The following ABCF2 variants were observed in gnomAD, a reference collection of about 807,000 sequenced individuals.
The protein encoded by ABCF2 is ATP-binding cassette sub-family F member 2.
Under a neutral mutation model 76.9 loss-of-function variants are expected in ABCF2, and 37 were observed. That is an observed-to-expected ratio of 0.48 (90% CI 0.37 to 0.63). The LOEUF is 0.63. Among genes scored for constraint, ABCF2 ranks in the 30% least tolerant of loss-of-function variants. The pLI is 0.00. For synonymous variants in ABCF2, 299 were observed against 283.7 expected (o/e 1.05, Z -0.54); for missense variants, 524 against 782.1 (o/e 0.67, Z 3.94).
intron 3 of ABCF2, among the ~76,000 whole-genome samples, chr7:151,224,443 TCCAAAAC>T (rs937113144): frequency 6.6e-5 from 10 of 152,084 alleles, no homozygotes; most frequent in African/African-American, 2.2e-4. Context: ...TGCTCCAAAA[TCCAAAAC>T]CTTTTAAGTG....
At position 151,215,132 on chromosome 7, in the gene ABCF2, A is replaced by G; in HGVS notation, c.1531-50T>C. On this transcript the variant is annotated intron_variant, in intron 13 of 14. Transcript: ENST00000287844. The surrounding 1 kb of genome is among the most constrained non-coding windows in gnomAD (Gnocchi z 4.6). Reference sequence around the variant, plus strand: ...TAACTTGGCATTATCCCCGCCAAACAGCACAGCTCATCTCTCCCTCATTTC... The same window carrying G: ...TAACTTGGCATTATCCCCGCCAAACGGCACAGCTCATCTCTCCCTCATTTC... 1 of 1,505,358 alleles carries G rather than the reference A, an allele frequency of 6.6e-7. No individual in the cohort carries two copies. Among genetic ancestry groups the G allele is most frequent in the Non-Finnish European group, 9.1e-7 (1 of 1,098,448 alleles). 93.3% of individuals were successfully genotyped at this position (1,505,358 alleles called of 1,614,324 possible).
At chr7:151,221,500 CT>C (rs376711339) in intron 7 of ABCF2, 77 bp downstream of exon 7, 155,492 of 783,308 alleles carry the variant, frequency 0.2, 9 homozygotes, top group South Asian at 0.25. Flanking sequence ...CCACACCAGC[CT>C]TTTTTTTTTT....
chr7:151,211,521 AT>A lies in ABCF2; in HGVS notation c.*2532del, dbSNP rs1215377975. 1.0e-6 allele frequency: 1 copy of A among 984,476 alleles called. No homozygotes were observed. The highest frequency in any genetic ancestry group is 1.7e-5 in the African/African-American group (1 of 57,236). 61.0% of individuals were successfully genotyped at this position (984,476 alleles called of 1,614,324 possible). A position where few individuals can be genotyped will look rare whatever the true frequency, so the allele number is the denominator to read the frequency against. On this transcript the variant is annotated 3_prime_UTR_variant, in exon 15 of 15. Transcript: ENST00000287844. ...TATGTATTTTGTGGACTTTTAAAGC[AT>A]TATTTAAATTACCAAGGTTGACATT... is the stretch of plus-strand genomic sequence containing the variant.
intron 11 of ABCF2, among the ~76,000 whole-genome samples, chr7:151,217,830 T>C (rs1184909003): frequency 1.3e-5 from 2 of 150,100 alleles, no homozygotes; most frequent in Non-Finnish European, 3.0e-5. Context: ...CTTAAACACA[T>C]ACATGTATTC....
In ABCF2 at chr7:151,215,065, G is replaced by A. The variant is rs769249245; in HGVS notation, c.1548C>T (p.Asn516=). 6.2e-7 allele frequency: 1 copy of A among 1,613,750 alleles called. No homozygotes were observed. The highest frequency in any genetic ancestry group is 1.1e-5 in the South Asian group (1 of 90,982). The stretch of plus-strand genomic sequence containing the variant: ...CTCGGCACTTCTGCCCGTCTGACAA[G>A]TTCCGGATTGGGCTCACCTGAGTAG... ...TGKQQVSPIR[N]LSDGQKCRVC... Residue 516 remains asparagine (N), a synonymous_variant, in exon 14 of 15, where the codon AAC becomes AAT. Transcript: ENST00000287844. This position sits in a 1 kb window ranked among gnomAD's most constrained non-coding sequence, Gnocchi z 4.6.
chr7:151,226,634 G>T, intron 1 of ABCF2, 134 bp from the exon 2 acceptor site: 1 of 661,034 alleles, frequency 1.5e-6, no homozygotes, highest in Non-Finnish European at 2.5e-6. Context: ...CGCCTCGTCT[G>T]TTCCAACTTG....
chr7:151,217,304 G>A (rs749975976), intron 11 of ABCF2, among the ~76,000 whole-genome samples: 2 of 152,252 alleles, frequency 1.3e-5, no homozygotes, highest in Non-Finnish European at 2.9e-5. Flanking sequence ...CCTGACAGGT[G>A]CAGCTTTGGA....
chr7:151,219,181 A>G, intron 7 of ABCF2, 22 bp from the exon 8 acceptor site: 2 of 1,605,162 alleles, frequency 1.2e-6, no homozygotes, highest in Non-Finnish European at 1.7e-6. Flanking sequence ...TGTGCCAGGT[A>G]AGGCAGGCAG....
chr7:151,219,241 G>A, intron 7 of ABCF2, 82 bp from the exon 8 acceptor site: 1 of 1,227,700 alleles, frequency 8.1e-7, no homozygotes, highest in Non-Finnish European at 1.2e-6. Context: ...TTAGGGGGAT[G>A]AGGGATGGCA....
chr7:151,222,470 G>T, intron 6 of ABCF2, 51 bp downstream of exon 6: 1 of 1,466,724 alleles, frequency 6.8e-7, no homozygotes, highest in Non-Finnish European at 9.5e-7. Context: ...CCATTTTCTA[G>T]ATTCCCCCTT....
At chr7:151,219,009 G>GC (rs1373206020) in intron 8 of ABCF2, 55 bp downstream of exon 8, 2 of 1,595,080 alleles carry the variant, frequency 1.3e-6, no homozygotes, top group African/African-American at 1.4e-5. Context: ...CCTCATCCGA[G>GC]CCCCCTGCTT....
intron 7 of ABCF2, among the ~76,000 whole-genome samples, 183 bp from the exon 8 acceptor site, chr7:151,219,342 A>G (rs896799111): frequency 6.6e-6 from 1 of 152,220 alleles, no homozygotes; most frequent in Admixed American, 6.5e-5. Flanking sequence ...AGTCTTTTCA[A>G]TTCTATGCCC....
intron 5 of ABCF2, among the ~76,000 whole-genome samples, 170 bp from the exon 6 acceptor site, chr7:151,222,786 A>G (rs1269459203): frequency 6.6e-6 from 1 of 152,230 alleles, no homozygotes; most frequent in East Asian, 1.9e-4. Context: ...GACAGAAACA[A>G]GAGTCGAAGA....
In ABCF2 at chr7:151,226,387, T is replaced by C. The variant is rs2150577354; in HGVS notation, c.72A>G (p.Arg24=). ...CATCTCCATTTTCTTCATGTCCTTT[T>C]CTGGGCCGCTGTCGAGCTTTGGCAG... The part of the protein sequence containing the change: ...KEAAKARQRP[R]KGHEENGDVV... The change falls in exon 2 of 15, where the codon AGA becomes AGG. Residue 24 remains arginine (R), a synonymous_variant. Coordinates refer to ENST00000287844, the MANE Select transcript of ABCF2 (RefSeq NM_007189.3). 6.2e-7 allele frequency: 1 copy of C among 1,614,210 alleles called. No individual in the cohort carries two copies.
chr7:151,226,577 A>T, intron 1 of ABCF2, 77 bp from the exon 2 acceptor site: 1 of 1,110,094 alleles, frequency 9.0e-7, no homozygotes, highest in South Asian at 1.7e-5. Context: ...CATCCCTCTC[A>T]GGAATCTTCG....
Position 151,211,848 on chromosome 7 carries a change from G to A in ABCF2, c.*2206C>T. ...CAAGCCAGTACCCTCTGGGGTCAGA[G>A]GACTCCCATCTGTCTCAGCTGCAGT... On this transcript the variant is annotated 3_prime_UTR_variant, in exon 15 of 15. Coordinates refer to ENST00000287844, the MANE Select transcript of ABCF2 (RefSeq NM_007189.3). The A allele has an allele frequency of 1.0e-6, 1 of 985,408 alleles. No individual in the cohort carries two copies. 61.0% of individuals were successfully genotyped at this position (985,408 alleles called of 1,614,324 possible).
intron 7 of ABCF2, among the ~76,000 whole-genome samples, chr7:151,221,155 A>C (rs1006187416): frequency 1.3e-5 from 2 of 152,038 alleles, no homozygotes; most frequent in Non-Finnish European, 2.9e-5. Context: ...CTCCTTGTCC[A>C]TATCTTTTTA....
At chr7:151,218,699 C>A in intron 9 of ABCF2, 49 bp from the exon 10 acceptor site, 2 of 1,613,466 alleles carry the variant, frequency 1.2e-6, no homozygotes, top group Non-Finnish European at 1.7e-6. Flanking sequence ...TCTTATCCAC[C>A]TCACCTTAGG....
intron 3 of ABCF2, among the ~76,000 whole-genome samples, chr7:151,224,523 C>T (rs1459183318): frequency 6.6e-6 from 1 of 152,184 alleles, no homozygotes; most frequent in Non-Finnish European, 1.5e-5. Flanking sequence ...TAGGGATGCT[C>T]AGCCGGTAAG....
Sources: gnomAD v4.1 joint callset for allele counts (sites outside exome capture counted in the v4.1 genomes callset) on GRCh38, gnomAD v4.1.1 for gene constraint, Gnocchi (gnomAD v3.1) non-coding constraint, MANE v1.5 for transcripts, NCBI Gene and HGNC (gene_info 2026-07-23, HGNC 2026-07-21) for gene names.